Variants in TSPAN18 observed in about 807,000 individuals in gnomAD.
TSPAN18 encodes the protein tetraspanin-18.
TSPAN18 carries 14 observed loss-of-function variants against 27.3 expected under a neutral mutation model. The observed-to-expected ratio is 0.51, with a 90% confidence interval of 0.34 to 0.80. The LOEUF (loss-of-function observed/expected upper bound fraction) is 0.80. Ranked by LOEUF, TSPAN18 falls within the 30% of genes least tolerant of loss-of-function variation. The pLI, the probability that TSPAN18 is intolerant of heterozygous loss-of-function variation, is 0.01. For synonymous variants in TSPAN18, 143 were observed against 136.5 expected, an observed-to-expected ratio of 1.05 and a Z score of -0.33; for missense variants, 268 against 323.9, an observed-to-expected ratio of 0.83 and a Z score of 1.32.
intron 2 of TSPAN18, among the ~76,000 whole-genome samples, chr11:44,807,997 G>A (rs927739113): frequency 1.3e-5 from 2 of 152,130 alleles, no homozygotes; most frequent in Admixed American, 1.3e-4. Context: ...CTAGAATGTG[G>A]GACCCTGGGG....
chr11:44,753,538 C>T (rs868543982), intron 1 of TSPAN18, among the ~76,000 whole-genome samples: 1 of 152,214 alleles, frequency 6.6e-6, no homozygotes, highest in Non-Finnish European at 1.5e-5. Context: ...GGTAGCTGGA[C>T]TCGCCGCTGC....
intron 3 of TSPAN18, among the ~76,000 whole-genome samples, chr11:44,900,680 C>CCT (rs1721208768): frequency 2.8e-4 from 14 of 49,702 alleles, no homozygotes; most frequent in African/African-American, 1.2e-3. Context: ...TTGAGGAAGG[C>CCT]TTTTTTTTTT....
intron 3 of TSPAN18, among the ~76,000 whole-genome samples, chr11:44,873,309 A>G (rs190339020): frequency 2.6e-5 from 4 of 152,228 alleles, no homozygotes; most frequent in East Asian, 1.9e-4. Context: ...CAAGGGACCT[A>G]TGTGGTCTGG....
chr11:44,866,838 G>A (rs898799883), intron 3 of TSPAN18, among the ~76,000 whole-genome samples: 3 of 152,112 alleles, frequency 2.0e-5, no homozygotes, highest in East Asian at 1.9e-4. Flanking sequence ...GAAACCAGCC[G>A]CCCCCAAGGC....
chr11:44,870,293 A>G (rs1481610852), intron 3 of TSPAN18, among the ~76,000 whole-genome samples: 2 of 152,136 alleles, frequency 1.3e-5, no homozygotes, highest in Non-Finnish European at 1.5e-5. Flanking sequence ...TACTCTGTGT[A>G]TCTATAGATT....
chr11:44,879,853 T>C (rs1213673528), intron 3 of TSPAN18, among the ~76,000 whole-genome samples: 1 of 152,242 alleles, frequency 6.6e-6, no homozygotes, highest in Non-Finnish European at 1.5e-5. Context: ...GCGTGTCCCG[T>C]TGTCCTCTGG....
chr11:44,919,343 T>C, intron 7 of TSPAN18, 31 bp downstream of exon 7: 1 of 1,585,020 alleles, frequency 6.3e-7, no homozygotes. Flanking sequence ...GCTATGAACA[T>C]TCAGAGCCAC....
intron 8 of TSPAN18, among the ~76,000 whole-genome samples, chr11:44,923,686 T>A (rs948953775): frequency 2.6e-5 from 4 of 152,102 alleles, no homozygotes; most frequent in Non-Finnish European, 5.9e-5. Flanking sequence ...CCCTCCCTTT[T>A]CTTGTGGGTA....
chr11:44,892,456 G>A (rs191737569), intron 3 of TSPAN18, among the ~76,000 whole-genome samples: 37 of 152,330 alleles, frequency 2.4e-4, no homozygotes, highest in Middle Eastern at 3.4e-3. Flanking sequence ...CCGTGCTTCT[G>A]TGCTCCCCCC....
chr11:44,784,276 C>G (rs985744145), intron 2 of TSPAN18, among the ~76,000 whole-genome samples: 1 of 152,128 alleles, frequency 6.6e-6, no homozygotes, highest in African/African-American at 2.4e-5. Flanking sequence ...CTGTGGGGCT[C>G]CCAGTGACAT....
intron 2 of TSPAN18, among the ~76,000 whole-genome samples, chr11:44,785,471 G>GT (rs147915167): frequency 0.031 from 4,667 of 151,886 alleles, 253 homozygotes; most frequent in African/African-American, 0.11. Flanking sequence ...AAATAGAGGT[G>GT]TTTTTCCCCC....
At chr11:44,762,707 A>T (rs1018001593) in intron 1 of TSPAN18, among the ~76,000 whole-genome samples, 27 of 152,190 alleles carry the variant, frequency 1.8e-4, no homozygotes, top group African/African-American at 6.3e-4. Flanking sequence ...CTGGTTCATG[A>T]TGCATGAGGT....
At chr11:44,826,787 G>C (rs1313015694) in intron 2 of TSPAN18, among the ~76,000 whole-genome samples, 1 of 152,210 alleles carries the variant, frequency 6.6e-6, no homozygotes, top group Non-Finnish European at 1.5e-5. Flanking sequence ...TTTGGATTCT[G>C]CACAGAGCCT....
At chr11:44,832,660 G>A (rs1332828964) in intron 2 of TSPAN18, among the ~76,000 whole-genome samples, 1 of 152,086 alleles carries the variant, frequency 6.6e-6, no homozygotes, top group Non-Finnish European at 1.5e-5. Context: ...GGGACCCTGG[G>A]GAACAGCTGT....
intron 2 of TSPAN18, among the ~76,000 whole-genome samples, chr11:44,798,233 A>C (rs1424398926): frequency 6.6e-6 from 1 of 152,212 alleles, no homozygotes; most frequent in Non-Finnish European, 1.5e-5. Flanking sequence ...CATTAGCATC[A>C]TAATAGCAGC....
At chr11:44,855,018 T>C (rs943447342) in intron 2 of TSPAN18, among the ~76,000 whole-genome samples, 8 of 152,284 alleles carry the variant, frequency 5.3e-5, no homozygotes, top group South Asian at 2.1e-4. Context: ...CTAAAATCAA[T>C]AGCTTTTATT....
At chr11:44,916,836 C>T (rs1275582706) in intron 5 of TSPAN18, among the ~76,000 whole-genome samples, 2 of 152,164 alleles carry the variant, frequency 1.3e-5, no homozygotes, top group Non-Finnish European at 2.9e-5. Context: ...TCTGTGTGTG[C>T]CAGAGATAAA....
chr11:44,866,627 A>G (rs1858044098), intron 3 of TSPAN18, among the ~76,000 whole-genome samples: 1 of 152,176 alleles, frequency 6.6e-6, no homozygotes, highest in Non-Finnish European at 1.5e-5. Context: ...CACCTCTTGG[A>G]AGAGCTGTTC....
intron 2 of TSPAN18, among the ~76,000 whole-genome samples, chr11:44,833,231 C>T (rs184259910): frequency 6.6e-5 from 10 of 152,224 alleles, no homozygotes; most frequent in Admixed American, 6.5e-4. Context: ...TCCTTCCTAT[C>T]GGCTTAGTAA....
Sources: allele counts gnomAD v4.1 joint callset (sites outside exome capture counted in the v4.1 genomes callset), GRCh38; gene constraint gnomAD v4.1.1; transcripts MANE v1.5; gene names NCBI Gene and HGNC (gene_info 2026-07-23, HGNC 2026-07-21).